The following PHIP variants were observed in gnomAD, a reference collection of about 807,000 sequenced individuals.
The protein encoded by PHIP is PH-interacting protein.
Under a neutral mutation model 236.8 loss-of-function variants are expected in PHIP, and 54 were observed. The ratio of observed to expected loss-of-function variants is 0.23; its 90% confidence interval spans 0.18 to 0.29. The LOEUF (loss-of-function observed/expected upper bound fraction) is 0.29. Ranked by LOEUF, PHIP falls within the 10% of genes least tolerant of loss-of-function variation. The pLI, the probability that PHIP is intolerant of heterozygous loss-of-function variation, is 1.00. For missense variants in PHIP, 1,370 were observed against 2,190.8 expected (o/e 0.63, Z 7.48); for synonymous variants, 756 against 718.9 (o/e 1.05, Z -0.83).
chr6:79,017,290 A>C, intron 12 of PHIP, 56 bp downstream of exon 12: 3 of 1,060,518 alleles, frequency 2.8e-6, no homozygotes, highest in Non-Finnish European at 4.1e-6. Flanking sequence ...CTGATGACTA[A>C]AATTGTCTTT....
intron 4 of PHIP, among the ~76,000 whole-genome samples, chr6:79,061,075 C>T (rs1314473995): frequency 6.6e-6 from 1 of 152,112 alleles, no homozygotes; most frequent in African/African-American, 2.4e-5. Flanking sequence ...CCAACTGCTG[C>T]TTTAAATATC....
At chr6:79,074,096 A>G (rs113133539) in intron 4 of PHIP, among the ~76,000 whole-genome samples, 3,797 of 152,200 alleles carry the variant, frequency 0.025, 158 homozygotes, top group African/African-American at 0.086. Flanking sequence ...TAAAACCACA[A>G]TCCACATCTC....
At chr6:79,015,495 CCAAT>C (rs1282911016) in intron 14 of PHIP, 131 bp downstream of exon 14, 2 of 680,414 alleles carry the variant, frequency 2.9e-6, no homozygotes, top group Non-Finnish European at 4.9e-6. Flanking sequence ...AAAATTATTC[CCAAT>C]CACTCACAAA....
chr6:79,059,613 AT>A (rs1644987472), intron 6 of PHIP, among the ~76,000 whole-genome samples: 1 of 117,366 alleles, frequency 8.5e-6, no homozygotes, highest in African/African-American at 3.0e-5. Flanking sequence ...ATATATATAT[AT>A]ATATATATAT....
chr6:79,077,813 AGCGGCGAGCGCCGGCCCGGCCC>A lies in PHIP; in HGVS notation c.99+20_99+41del. Reference sequence around the variant, plus strand: ...GCCGCCTCCCTCCCCCACGCCCGCGAGCGGCGAGCGCCGGCCCGGCCCGCGCCGCGCGCCGCCGTACCTGAGC... The same window carrying A: ...GCCGCCTCCCTCCCCCACGCCCGCGAGCGCCGCGCGCCGCCGTACCTGAGC... On this transcript the variant is annotated intron_variant, in intron 2 of 39. Coordinates refer to ENST00000275034, the MANE Select transcript of PHIP (RefSeq NM_017934.7). 1 of 1,164,514 alleles carries A rather than the reference AGCGGCGAGCGCCGGCCCGGCCC, an allele frequency of 8.6e-7. No homozygotes were observed. Among genetic ancestry groups the A allele is most frequent in the Non-Finnish European group, 1.1e-6 (1 of 940,860 alleles). 72.1% of individuals were successfully genotyped at this position (1,164,514 alleles called of 1,614,324 possible).
At chr6:79,031,281 G>A (rs939787277) in intron 7 of PHIP, among the ~76,000 whole-genome samples, 13 of 152,134 alleles carry the variant, frequency 8.5e-5, no homozygotes, top group Admixed American at 5.2e-4. Flanking sequence ...TAATTACTGC[G>A]AAAGAGTGCT....
chr6:78,983,899 G>A (rs911420234), intron 22 of PHIP, among the ~76,000 whole-genome samples: 8 of 151,996 alleles, frequency 5.3e-5, no homozygotes, highest in African/African-American at 1.9e-4. Context: ...GCAAAATAAA[G>A]AATCTAGTTG....
Position 78,941,071 on chromosome 6 carries a change from A to C in PHIP, c.5088T>G (p.Ser1696=). ...AATCTTCCTTTACATTATTAGTTTCAGAAAGAAAATTGCATGTTGAAGAAG... is the reference window on the plus strand; with the variant it reads ...AATCTTCCTTTACATTATTAGTTTCCGAAAGAAAATTGCATGTTGAAGAAG... The part of the protein sequence containing the change: ...VLPSSTCNFL[S]ETNNVKEDLL... Residue 1696 remains serine, a synonymous_variant, in exon 40 of 40, where the codon TCT becomes TCG. Coordinates refer to ENST00000275034, the MANE Select transcript of PHIP (RefSeq NM_017934.7). 1 of 1,614,066 alleles carries C rather than the reference A, an allele frequency of 6.2e-7. No homozygotes were observed. The highest frequency in any genetic ancestry group is 1.3e-5 in the African/African-American group (1 of 75,052).
At chr6:79,055,458 GA>G (rs1445023511) in intron 6 of PHIP, among the ~76,000 whole-genome samples, 10 of 152,264 alleles carry the variant, frequency 6.6e-5, no homozygotes, top group African/African-American at 2.2e-4. Context: ...GGAGGTAAGA[GA>G]AAGGACAATA....
intron 27 of PHIP, 48 bp downstream of exon 27, chr6:78,969,786 GA>G (rs757033069): frequency 6.6e-5 from 56 of 846,240 alleles, no homozygotes; most frequent in African/African-American, 1.7e-4. Flanking sequence ...CACTTACTAA[GA>G]AAAAAAAACC....
chr6:79,077,347 G>A, intron 4 of PHIP, 101 bp downstream of exon 4: 2 of 1,135,034 alleles, frequency 1.8e-6, no homozygotes, highest in South Asian at 2.5e-5. Flanking sequence ...GAGCTTTCAC[G>A]TTCTAGGGCC....
chr6:78,968,771 G>C (rs908292205), intron 27 of PHIP, among the ~76,000 whole-genome samples: 1 of 151,970 alleles, frequency 6.6e-6, no homozygotes, highest in African/African-American at 2.4e-5. Flanking sequence ...TTGGTTTTCA[G>C]TGAATTTACA....
intron 4 of PHIP, among the ~76,000 whole-genome samples, chr6:79,065,302 T>C (rs146576730): frequency 2.5e-4 from 38 of 152,310 alleles, no homozygotes; most frequent in African/African-American, 6.7e-4. Context: ...TTCCTCACTC[T>C]TTGGATAAAG....
chr6:79,075,919 T>A lies in PHIP; in HGVS notation c.189+1529A>T, dbSNP rs1774136498. Among the ~76,000 whole-genome samples the A allele has an allele frequency of 2.6e-5, 4 of 152,210 alleles. No individual in the cohort carries two copies. The South Asian group carries it at 8.3e-4, about 31-fold the overall frequency. ...TATCAAGGAAGACATGTAAATTCAC[T>A]GAAGACTTCTATCAAGTATTTGTAA... On this transcript the variant is annotated intron_variant, in intron 4 of 39. Transcript: ENST00000275034.
chr6:78,995,246 T>C lies in PHIP; in HGVS notation c.2201+2168A>G, dbSNP rs183107388. ...AGTAGTCCATGGTGTGAATATACCATTGTTTAACCATCTACCCACTAAAAT... is the reference window on the plus strand; with the variant it reads ...AGTAGTCCATGGTGTGAATATACCACTGTTTAACCATCTACCCACTAAAAT... On this transcript the variant is annotated intron_variant, in intron 19 of 39. Transcript: ENST00000275034. Among the ~76,000 whole-genome samples the C allele has an allele frequency of 2.0e-5, 3 of 152,350 alleles. No individual in the cohort carries two copies. In the East Asian group the frequency reaches 5.8e-4, roughly 29 times the overall value.
Position 78,946,366 on chromosome 6 carries a change from T to G in PHIP, c.4371-106A>C, listed in dbSNP as rs1041138220. On this transcript the variant is annotated intron_variant, in intron 37 of 39. Coordinates refer to ENST00000275034, the MANE Select transcript of PHIP (RefSeq NM_017934.7). ...ATATTTGTACTATTATGAAATATGTTAAAATATGAGATTTATAGTGGATTT... is the reference window on the plus strand; with the variant it reads ...ATATTTGTACTATTATGAAATATGTGAAAATATGAGATTTATAGTGGATTT... The G allele has an allele frequency of 2.8e-6, 4 of 1,406,394 alleles. No homozygotes were observed. The African/African-American group carries it at 5.8e-5, about 20-fold the overall frequency. 87.1% of individuals were successfully genotyped at this position (1,406,394 alleles called of 1,614,324 possible).
intron 4 of PHIP, among the ~76,000 whole-genome samples, chr6:79,070,065 ACT>A (rs1394456820): frequency 1.3e-5 from 2 of 152,084 alleles, no homozygotes; most frequent in Admixed American, 6.5e-5. Flanking sequence ...AAAAAAAGAG[ACT>A]CTATTCAGAA....
At chr6:78,972,848 G>C (rs535599851) in intron 24 of PHIP, among the ~76,000 whole-genome samples, 215 of 152,248 alleles carry the variant, frequency 1.4e-3, no homozygotes, top group African/African-American at 4.9e-3. Flanking sequence ...AAAAAGAAAT[G>C]AGCAAAGCCT....
Position 79,015,781 on chromosome 6 carries a change from T to G in PHIP, c.1238A>C (p.Gln413Pro), listed in dbSNP as rs200417936. The change falls in exon 14 of 40, where the codon CAA becomes CCA. Residue 413 changes from glutamine (Q) to proline (P), a missense_variant and splice_region_variant. By Grantham distance (76) the Gln-to-Pro change is moderately conservative (BLOSUM62 -1). Transcript: ENST00000275034. Reference protein sequence around the residue: ...LLDMATRPAGQNLQGIEDKIT... With the variant: ...LLDMATRPAGPNLQGIEDKIT... ...TTTATCTTCTATTCCTTGAAGGTTT[T>G]GGCTGAAAGTGAGGAAGTGTTTTAC... The G allele has an allele frequency of 6.2e-7, 1 of 1,606,682 alleles. No individual in the cohort carries two copies. The highest frequency in any genetic ancestry group is 8.5e-7 in the Non-Finnish European group (1 of 1,176,814).
Sources: allele counts gnomAD v4.1 joint callset (sites outside exome capture counted in the v4.1 genomes callset), GRCh38; gene constraint gnomAD v4.1.1; transcripts MANE v1.5; gene names NCBI Gene and HGNC (gene_info 2026-07-23, HGNC 2026-07-21).